WDFY3: variants seen among roughly 807,000 people sequenced by gnomAD.
WDFY3 encodes the protein WD repeat and FYVE domain-containing protein 3.
In WDFY3, 66 loss-of-function variants were observed where a neutral mutation model predicts 409.6. The observed-to-expected ratio is 0.16, with a 90% confidence interval of 0.13 to 0.20. The LOEUF (loss-of-function observed/expected upper bound fraction) is 0.20. Among genes scored for constraint, WDFY3 ranks in the 10% least tolerant of loss-of-function variants. The probability of loss-of-function intolerance (pLI) is 1.00; values close to 1 mark genes in which losing one functional copy is unlikely to be tolerated. For missense variants in WDFY3, 3,031 were observed against 4,298.1 expected, an observed-to-expected ratio of 0.71 and a Z score of 8.24; for synonymous variants, 1,521 against 1,537.1, an observed-to-expected ratio of 0.99 and a Z score of 0.25.
At chr4:84,703,963 T>A (rs1731505516) in intron 55 of WDFY3, among the ~76,000 whole-genome samples, 1 of 152,338 alleles carries the variant, frequency 6.6e-6, no homozygotes, top group African/African-American at 2.4e-5. Context: ...ACAGTAGGTA[T>A]TTATTAAATA....
chr4:84,872,667 A>G (rs1762281103), intron 3 of WDFY3, among the ~76,000 whole-genome samples: 1 of 152,164 alleles, frequency 6.6e-6, no homozygotes, highest in South Asian at 2.1e-4. Flanking sequence ...AAATACACCA[A>G]TTAAAGGATA....
At chr4:84,686,987 CTATT>C in intron 62 of WDFY3, among the ~76,000 whole-genome samples, 1 of 152,224 alleles carries the variant, frequency 6.6e-6, no homozygotes, top group Non-Finnish European at 1.5e-5. Context: ...TGTATATGAA[CTATT>C]TATTTCTGAA....
chr4:84,797,771 G>C (rs1290207858), intron 18 of WDFY3, among the ~76,000 whole-genome samples: 4 of 151,878 alleles, frequency 2.6e-5, no homozygotes, highest in Non-Finnish European at 5.9e-5. Flanking sequence ...TTTTAGAAGA[G>C]ACGGGGTTTC....
At chr4:84,736,116 A>C in intron 42 of WDFY3, 54 bp downstream of exon 42, 1 of 1,517,622 alleles carries the variant, frequency 6.6e-7, no homozygotes, top group Non-Finnish European at 8.8e-7. Context: ...GTACATGTTA[A>C]GTATATTATA....
At chr4:84,682,043 T>A (rs1198239395) in intron 64 of WDFY3, among the ~76,000 whole-genome samples, 1 of 152,164 alleles carries the variant, frequency 6.6e-6, no homozygotes, top group African/African-American at 2.4e-5. Context: ...CAGCAGGGCT[T>A]GTCTGACTTA....
chr4:84,740,557 G>C, intron 38 of WDFY3, 141 bp from the exon 39 acceptor site: 1 of 729,000 alleles, frequency 1.4e-6, no homozygotes, highest in Non-Finnish European at 2.3e-6. Flanking sequence ...AAGATACAAA[G>C]CTCTTACTAT....
rs3833443 is a variant in WDFY3, at chr4:84,690,762, AC to A, written c.9205-99del. ...AATTGAGTGAAGGTGCAGGCACCTC[AC>A]CAGCAAATAGCGGCTCATGTTCTGA... On this transcript the variant is annotated intron_variant, in intron 60 of 67. Coordinates refer to ENST00000295888, the MANE Select transcript of WDFY3 (RefSeq NM_014991.6). The A allele has an allele frequency of 0.045, 62,297 of 1,384,282 alleles. 1,974 individuals are homozygous for A. The highest frequency in any genetic ancestry group is 0.15 in the Admixed American group (5,289 of 36,238). 85.7% of individuals were successfully genotyped at this position (1,384,282 alleles called of 1,614,324 possible).
intron 38 of WDFY3, 78 bp from the exon 39 acceptor site, chr4:84,740,494 A>G: frequency 1.5e-6 from 2 of 1,357,228 alleles, no homozygotes; most frequent in Admixed American, 1.9e-5. Flanking sequence ...ATGAACTTTT[A>G]TTAGGTCTAT....
chr4:84,758,599 C>T (rs1741878348), intron 32 of WDFY3, among the ~76,000 whole-genome samples: 1 of 152,032 alleles, frequency 6.6e-6, no homozygotes, highest in Non-Finnish European at 1.5e-5. Flanking sequence ...CAGCAAAGTA[C>T]ATATTACAAC....
chr4:84,831,372 G>T, intron 8 of WDFY3, 41 bp downstream of exon 8: 8 of 1,327,412 alleles, frequency 6.0e-6, no homozygotes, highest in Non-Finnish European at 7.9e-6. Flanking sequence ...AAGAAAAGTG[G>T]AAGAAATTTA....
intron 1 of WDFY3, among the ~76,000 whole-genome samples, chr4:84,937,585 A>G (rs2151005091): frequency 6.6e-6 from 1 of 152,280 alleles, no homozygotes; most frequent in South Asian, 2.1e-4. Context: ...TCCTATTTTC[A>G]AGTCCTTTCT....
intron 3 of WDFY3, among the ~76,000 whole-genome samples, chr4:84,861,145 A>G (rs2150209913): frequency 6.6e-6 from 1 of 152,318 alleles, no homozygotes; most frequent in East Asian, 1.9e-4. Context: ...TGAGAGGTTA[A>G]GGCTGCAGTG....
Position 84,718,465 on chromosome 4 carries a change from T to C in WDFY3, c.7711A>G (p.Thr2571Ala), listed in dbSNP as rs1370924237. ...ATATCTCTTATTTCCCTGGTTGCTG[T>C]CATGGTAAATCCATCAATCACATAA... ...HFYVIDGFTM[T>A]ATREIRDIET... Residue 2571 changes from threonine to alanine, a missense_variant, in exon 48 of 68, where the codon ACA becomes GCA. Around this residue, in one of 16 missense-constraint regions of WDFY3, gnomAD observed 40 missense variants for 54.2 expected, o/e 0.74. Coordinates refer to ENST00000295888, the MANE Select transcript of WDFY3 (RefSeq NM_014991.6). 1 of 1,614,020 alleles carries C rather than the reference T, an allele frequency of 6.2e-7. No individual in the cohort carries two copies. The highest frequency in any genetic ancestry group is 8.5e-7 in the Non-Finnish European group (1 of 1,179,914).
intron 13 of WDFY3, among the ~76,000 whole-genome samples, chr4:84,813,163 G>C (rs1205183391): frequency 6.6e-6 from 1 of 152,134 alleles, no homozygotes; most frequent in Non-Finnish European, 1.5e-5. Context: ...TGTGGTATAT[G>C]TCAGTTGAAT....
chr4:84,919,555 T>A (rs1768976221), intron 2 of WDFY3, among the ~76,000 whole-genome samples: 1 of 152,126 alleles, frequency 6.6e-6, no homozygotes, highest in Non-Finnish European at 1.5e-5. Context: ...CCACATGTCA[T>A]GGGAGGGACC....
In WDFY3 at chr4:84,801,846, G is replaced by C; in HGVS notation, c.2626C>G (p.Leu876Val). 1 of 1,614,036 alleles carries C rather than the reference G, an allele frequency of 6.2e-7. No homozygotes were observed. ...TQPEHALDLQ[L>V]AVANILQSLV... ...GATTGTAAAATATTTGCCACGGCAA[G>C]TTGAAGATCCAAAGCATGCTAAAAT... is the stretch of plus-strand genomic sequence containing the variant. Residue 876 changes from leucine to valine, a missense_variant, in exon 17 of 68, where the codon CTT becomes GTT. Transcript: ENST00000295888.
At chr4:84,843,243 C>T (rs539521339) in intron 5 of WDFY3, among the ~76,000 whole-genome samples, 1 of 152,226 alleles carries the variant, frequency 6.6e-6, no homozygotes, top group South Asian at 2.1e-4. Flanking sequence ...AGGGAGATTC[C>T]AAACTCCATC....
At chr4:84,823,483 A>C (rs2149840252) in intron 10 of WDFY3, among the ~76,000 whole-genome samples, 1 of 152,170 alleles carries the variant, frequency 6.6e-6, no homozygotes, top group South Asian at 2.1e-4. Context: ...TTCTCAAAAG[A>C]TGCGTTAAAA....
chr4:84,846,476 C>A (rs964280970), intron 5 of WDFY3, among the ~76,000 whole-genome samples: 1 of 151,700 alleles, frequency 6.6e-6, no homozygotes, highest in African/African-American at 2.4e-5. Flanking sequence ...GATGTAAAAT[C>A]ATAAAGGGAG....
Sources: allele counts gnomAD v4.1 joint callset (sites outside exome capture counted in the v4.1 genomes callset), GRCh38; gene constraint gnomAD v4.1.1; regional missense constraint gnomAD v4.1.1; transcripts MANE v1.5; gene names NCBI Gene and HGNC (gene_info 2026-07-23, HGNC 2026-07-21).